CEP57L1: variants seen among roughly 807,000 people sequenced by gnomAD.
The protein encoded by CEP57L1 is centrosomal protein CEP57L1.
CEP57L1 carries 37 observed loss-of-function variants against 61.0 expected under a neutral mutation model. That is an observed-to-expected ratio of 0.61 (90% CI 0.47 to 0.80). The LOEUF is 0.80. CEP57L1 is among the 30% of genes least tolerant of loss of function. CEP57L1 has a pLI of 0.00. For synonymous variants in CEP57L1, 137 were observed against 162.3 expected, an observed-to-expected ratio of 0.84 and a Z score of 1.19; for missense variants, 422 against 524.7, an observed-to-expected ratio of 0.80 and a Z score of 1.91.
At chr6:109,103,982 T>TAAA (rs2114576458) in intron 1 of CEP57L1, among the ~76,000 whole-genome samples, 1 of 151,646 alleles carries the variant, frequency 6.6e-6, no homozygotes, top group South Asian at 2.1e-4. Context: ...AATACCCTTT[T>TAAA]AAACTACCCC....
chr6:109,126,243 T>G (rs1057484957), intron 1 of CEP57L1, among the ~76,000 whole-genome samples: 3 of 152,204 alleles, frequency 2.0e-5, no homozygotes, highest in African/African-American at 7.2e-5. Flanking sequence ...ATGAGACCCT[T>G]ACAAATGAAA....
At chr6:109,122,636 AC>A (rs1773102894) in intron 1 of CEP57L1, among the ~76,000 whole-genome samples, 1 of 152,114 alleles carries the variant, frequency 6.6e-6, no homozygotes, top group Admixed American at 6.5e-5. Flanking sequence ...CCCCATCTCT[AC>A]TAAAGATACA....
At chr6:109,150,922 G>C (rs925444067) in intron 4 of CEP57L1, among the ~76,000 whole-genome samples, 2 of 152,100 alleles carry the variant, frequency 1.3e-5, no homozygotes, top group African/African-American at 2.4e-5. Context: ...CCACTCTAAA[G>C]AGAACACTAA....
At position 109,160,629 on chromosome 6, in the gene CEP57L1, C is replaced by T. The variant is rs767040592; in HGVS notation, c.1074C>T (p.Asp358=). 65 of 1,605,736 alleles carry T rather than the reference C, an allele frequency of 4.0e-5. No individual in the cohort carries two copies. In the Middle Eastern group the frequency reaches 5.0e-4, roughly 12 times the overall value. ...AAACTGAAAGTCATTCAGTCTGTGA[C>T]GACATAGAATGTGAACTAGAGTGTT... is the stretch of plus-strand genomic sequence containing the variant. ...MKETESHSVC[D]DIECELECLL... is the part of the protein sequence containing the mutation. The change falls in exon 10 of 11, where the codon GAC becomes GAT. Residue 358 remains aspartate, a synonymous_variant. Transcript: ENST00000517392.
chr6:109,141,178 A>G (rs969934399), intron 1 of CEP57L1, among the ~76,000 whole-genome samples: 2 of 151,862 alleles, frequency 1.3e-5, no homozygotes, highest in Non-Finnish European at 2.9e-5. Flanking sequence ...GTATTGATGT[A>G]TGGGGCAAGA....
rs1284091035 is a variant in CEP57L1 at position 109,173,558 on chromosome 6, G to A, written c.*10588G>A. Among the ~76,000 whole-genome samples the A allele has an allele frequency of 6.7e-6, 1 of 149,278 alleles. No homozygotes were observed. Among genetic ancestry groups the A allele is most frequent in the Non-Finnish European group, 1.5e-5 (1 of 67,548 alleles). On this transcript the variant is annotated 3_prime_UTR_variant, in exon 11 of 11. Transcript: ENST00000517392. ...TCCTGCCTCTGCCTCCCAAGTAGCT[G>A]GGACTACAGGTGCATGCCACCACAC...
chr6:109,108,709 A>C lies in CEP57L1; in HGVS notation c.-4+13134A>C, dbSNP rs1301763784. Among the ~76,000 whole-genome samples, 4 of 152,210 alleles carry C rather than the reference A, an allele frequency of 2.6e-5. No individual in the cohort carries two copies. The East Asian group carries it at 5.8e-4, about 22-fold the overall frequency. On this transcript the variant is annotated intron_variant, in intron 1 of 10. Coordinates refer to ENST00000517392, the MANE Select transcript of CEP57L1 (RefSeq NM_001271852.3). ...TGTTTGAATTCTGTTACTCAATTTT[A>C]CCATCTCATTTATGAGCCCTCCTTA...
At chr6:109,134,276 G>A (rs1283320335) in intron 1 of CEP57L1, among the ~76,000 whole-genome samples, 2 of 151,992 alleles carry the variant, frequency 1.3e-5, no homozygotes, top group Non-Finnish European at 2.9e-5. Flanking sequence ...ATCAATAAAT[G>A]TAATCCAGCA....
intron 1 of CEP57L1, among the ~76,000 whole-genome samples, chr6:109,118,556 A>G (rs969151515): frequency 2.6e-5 from 4 of 152,218 alleles, no homozygotes; most frequent in Non-Finnish European, 5.9e-5. Flanking sequence ...GCCTTTCAAA[A>G]CAGTTGTTCA....
chr6:109,095,338 T>C, upstream of CEP57L1: 6 of 985,914 alleles, frequency 6.1e-6, no homozygotes, highest in Non-Finnish European at 6.0e-6. Context: ...CTGGAAGAAA[T>C]TGAGTCTACA....
intron 1 of CEP57L1, among the ~76,000 whole-genome samples, chr6:109,097,043 A>G (rs951232394): frequency 6.6e-6 from 1 of 152,222 alleles, no homozygotes; most frequent in Non-Finnish European, 1.5e-5. Flanking sequence ...ATGCATAGTT[A>G]TCTCTTATGA....
chr6:109,149,451 G>C (rs1354891195), intron 3 of CEP57L1, among the ~76,000 whole-genome samples: 2 of 151,860 alleles, frequency 1.3e-5, no homozygotes, highest in Admixed American at 6.6e-5. Flanking sequence ...TTATTTCTGA[G>C]GGCTCTGTTC....
At chr6:109,109,143 C>A (rs748711004) in intron 1 of CEP57L1, among the ~76,000 whole-genome samples, 1 of 152,134 alleles carries the variant, frequency 6.6e-6, no homozygotes. Flanking sequence ...CAATAGTAGT[C>A]TCCTGTGTAG....
At chr6:109,095,722 C>T (rs1781613324) in intron 1 of CEP57L1, 147 bp downstream of exon 1, 1 of 352,660 alleles carries the variant, frequency 2.8e-6, no homozygotes, top group East Asian at 1.6e-4. Context: ...AAGGACTAGT[C>T]CAGCTGCCCA....
intron 1 of CEP57L1, chr6:109,129,325 A>C: frequency 1.8e-6 from 2 of 1,101,742 alleles, no homozygotes; most frequent in Non-Finnish European, 2.3e-6. Flanking sequence ...TCACTTCTTC[A>C]CTTGGATATA....
At chr6:109,156,330 CA>C (rs1773215450) in intron 7 of CEP57L1, 1 of 151,806 alleles carries the variant, frequency 6.6e-6, no homozygotes, top group Non-Finnish European at 1.5e-5. Context: ...AATATATAGA[CA>C]ATAAAAAATA....
At chr6:109,140,492 CGAGTTCAAGTGAT>C (rs1419580894) in intron 1 of CEP57L1, 8 of 151,456 alleles carry the variant, frequency 5.3e-5, no homozygotes, top group Non-Finnish European at 1.0e-4. Context: ...GTCCGCCTCC[CGAGTTCAAGTGAT>C]TCTCCTGCCT....
At chr6:109,154,809 A>G (rs1473605483) in intron 5 of CEP57L1, among the ~76,000 whole-genome samples, 1 of 151,878 alleles carries the variant, frequency 6.6e-6, no homozygotes, top group Non-Finnish European at 1.5e-5. Context: ...ATGTCTTTTC[A>G]CTCTTCTCCC....
intron 1 of CEP57L1, among the ~76,000 whole-genome samples, chr6:109,132,321 C>A (rs1774284456): frequency 6.6e-6 from 1 of 152,122 alleles, no homozygotes; most frequent in Non-Finnish European, 1.5e-5. Flanking sequence ...TATAGTGAGA[C>A]CCCCATCTCT....
Sources: allele counts gnomAD v4.1 joint callset (sites outside exome capture counted in the v4.1 genomes callset), GRCh38; gene constraint gnomAD v4.1.1; transcripts MANE v1.5; gene names NCBI Gene and HGNC (gene_info 2026-07-23, HGNC 2026-07-21).